The following HPSE2 variants were observed in gnomAD, a reference collection of about 807,000 sequenced individuals.
The protein encoded by HPSE2 is inactive heparanase-2.
In HPSE2, 38 loss-of-function variants were observed where a neutral mutation model predicts 60.5. The ratio of observed to expected loss-of-function variants is 0.63; its 90% CI spans 0.48 to 0.82. The LOEUF (loss-of-function observed/expected upper bound fraction) is 0.82. HPSE2 is among the 40% of genes least tolerant of loss of function. The pLI is 0.00. For missense variants in HPSE2, 713 were observed against 740.4 expected (o/e 0.96, Z 0.43); for synonymous variants, 295 against 293.2 (o/e 1.01, Z -0.06).
chr10:98,665,000 G>A (rs1306688270), intron 6 of HPSE2, among the ~76,000 whole-genome samples: 2 of 152,152 alleles, frequency 1.3e-5, no homozygotes, highest in Admixed American at 6.5e-5. Flanking sequence ...TGATGGCAAG[G>A]AAACTCATTG....
At chr10:98,848,372 C>T (rs547059048) in intron 3 of HPSE2, among the ~76,000 whole-genome samples, 11 of 151,514 alleles carry the variant, frequency 7.3e-5, no homozygotes, top group African/African-American at 2.7e-4. Flanking sequence ...GAGCCTAGAT[C>T]GCACCACTGC....
intron 11 of HPSE2, among the ~76,000 whole-genome samples, chr10:98,468,061 C>A (rs998298076): frequency 4.6e-5 from 7 of 152,244 alleles, no homozygotes; most frequent in Non-Finnish European, 8.8e-5. Context: ...AGGCTCCCGG[C>A]CCCCTCGCTG....
chr10:99,186,177 T>C, intron 2 of HPSE2, among the ~76,000 whole-genome samples: 1 of 128,080 alleles, frequency 7.8e-6, no homozygotes, highest in African/African-American at 2.9e-5. Context: ...ATTAAACTGC[T>C]AAAAACCACA....
At chr10:99,076,283 C>T (rs777916046) in intron 3 of HPSE2, among the ~76,000 whole-genome samples, 24 of 152,092 alleles carry the variant, frequency 1.6e-4, no homozygotes, top group Admixed American at 7.9e-4. Flanking sequence ...CTGTTTTAAG[C>T]TGATAATGTA....
intron 3 of HPSE2, among the ~76,000 whole-genome samples, chr10:98,978,859 A>G (rs757238648): frequency 1.3e-5 from 2 of 152,220 alleles, no homozygotes; most frequent in Non-Finnish European, 2.9e-5. Flanking sequence ...TAAAGTCAGT[A>G]TCCTCGACAC....
intron 6 of HPSE2, among the ~76,000 whole-genome samples, chr10:98,684,318 T>C (rs1475785444): frequency 2.0e-5 from 3 of 152,132 alleles, no homozygotes; most frequent in Non-Finnish European, 4.4e-5. Flanking sequence ...ATGAAACTGA[T>C]GGTTACCTGA....
At chr10:99,305,973 G>GCACACACACACACACA in the HPSE2 span, among the ~76,000 whole-genome samples, 147 of 44,026 alleles carry the variant, frequency 3.3e-3, no homozygotes, top group African/African-American at 9.8e-3. Context: ...GCGCGCGCGC[G>GCACACACACACACACA]CGCGCGCACA....
At chr10:99,077,621 A>T (rs918995967) in intron 3 of HPSE2, among the ~76,000 whole-genome samples, 1 of 151,968 alleles carries the variant, frequency 6.6e-6, no homozygotes, top group Non-Finnish European at 1.5e-5. Flanking sequence ...CTTCATATAT[A>T]TACACACATC....
At chr10:98,916,457 ACT>A (rs1253268882) in intron 3 of HPSE2, among the ~76,000 whole-genome samples, 1 of 152,004 alleles carries the variant, frequency 6.6e-6, no homozygotes, top group East Asian at 1.9e-4. Context: ...CTGATATATG[ACT>A]CTCTTAATTC....
intron 9 of HPSE2, among the ~76,000 whole-genome samples, chr10:98,499,063 T>G (rs1457877305): frequency 1.3e-5 from 2 of 152,102 alleles, no homozygotes; most frequent in Non-Finnish European, 2.9e-5. Flanking sequence ...AATCTCAAAG[T>G]TCGGAAAACA....
At position 99,079,611 on chromosome 10, in the gene HPSE2, G is replaced by C. The variant is rs558416507; in HGVS notation, c.610+64627C>G. On this transcript the variant is annotated intron_variant, in intron 3 of 11. Transcript: ENST00000370552. ...GTCTGATCTCACTGGTTCCAAGGCT[G>C]CTATAATATGCCAGGACCTGTCAGC... Among the ~76,000 whole-genome samples the C allele has an allele frequency of 3.3e-5, 5 of 152,254 alleles. No homozygotes were observed. In the South Asian group the frequency reaches 1.0e-3, roughly 32 times the overall value.
At position 98,934,245 on chromosome 10, in the gene HPSE2, C is replaced by T. The variant is rs748161599; in HGVS notation, c.611-190189G>A. 1.1e-4 allele frequency among the ~76,000 whole-genome samples: 16 copies of T among 144,210 alleles called. 2 individuals carry two copies. The highest frequency in any genetic ancestry group is 2.2e-4 in the Non-Finnish European group (15 of 67,270). 94.6% of individuals were successfully genotyped at this position (144,210 alleles called of 152,430 possible). A position where few individuals can be genotyped will look rare whatever the true frequency, so the allele number is the denominator to read the frequency against. ...TTGTATCCAGCTTGCCATTCTGTGT[C>T]TTTTAATCAGGGCATTTTGCCCATT... On this transcript the variant is annotated intron_variant, in intron 3 of 11. Coordinates refer to ENST00000370552, the MANE Select transcript of HPSE2 (RefSeq NM_021828.5).
chr10:99,164,230 TATATATATATA>T (rs1564858859), intron 2 of HPSE2, among the ~76,000 whole-genome samples: 11 of 488 alleles, frequency 0.023, no homozygotes, highest in Non-Finnish European at 0.029. Context: ...TCAAGCATTA[TATATATATATA>T]TATATATATA....
intron 3 of HPSE2, among the ~76,000 whole-genome samples, chr10:99,101,191 G>C (rs1024648068): frequency 1.3e-5 from 2 of 152,100 alleles, no homozygotes; most frequent in African/African-American, 4.8e-5. Context: ...GACACAGACT[G>C]GCAAACTGTA....
chr10:98,538,285 G>A (rs1343145380), intron 9 of HPSE2, among the ~76,000 whole-genome samples: 1 of 152,152 alleles, frequency 6.6e-6, no homozygotes. Context: ...CACCCGCTAA[G>A]CCCCTTGGGC....
chr10:99,064,433 G>A (rs1842546566), intron 3 of HPSE2, among the ~76,000 whole-genome samples: 1 of 152,036 alleles, frequency 6.6e-6, no homozygotes. Context: ...AGTTGAAGCA[G>A]AAACCTCTTG....
At chr10:99,013,977 A>G in intron 3 of HPSE2, 1 of 373,724 alleles carries the variant, frequency 2.7e-6, no homozygotes. Context: ...CCCTGCCTCC[A>G]GACACCCAGA....
chr10:99,314,144 C>A, the HPSE2 span, among the ~76,000 whole-genome samples: 1 of 152,118 alleles, frequency 6.6e-6, no homozygotes, highest in Non-Finnish European at 1.5e-5. Context: ...TGAGCTTTAG[C>A]ATTTTTCAGC....
chr10:98,814,419 T>A (rs894520435), intron 3 of HPSE2, among the ~76,000 whole-genome samples: 17 of 152,204 alleles, frequency 1.1e-4, no homozygotes, highest in Non-Finnish European at 2.2e-4. Context: ...AATGACTACA[T>A]AAATTTTTAT....
Sources: gnomAD v4.1 joint callset for allele counts (sites outside exome capture counted in the v4.1 genomes callset) on GRCh38, gnomAD v4.1.1 for gene constraint, MANE v1.5 for transcripts, NCBI Gene and HGNC (gene_info 2026-07-23, HGNC 2026-07-21) for gene names.